Variants in PJA2 observed in about 807,000 individuals in gnomAD.
The protein encoded by PJA2 is praja ring finger ubiquitin ligase 2.
A neutral mutation model predicts 69.3 loss-of-function variants in PJA2; 25 were observed. That is an observed-to-expected ratio of 0.36 (90% confidence interval 0.26 to 0.50). The LOEUF (loss-of-function observed/expected upper bound fraction) is 0.50. Among genes scored for constraint, PJA2 ranks in the 20% least tolerant of loss-of-function variants. PJA2 has a pLI of 0.96. For missense variants in PJA2, 809 were observed against 830.2 expected, an observed-to-expected ratio of 0.97 and a Z score of 0.31; for synonymous variants, 308 against 277.8, an observed-to-expected ratio of 1.11 and a Z score of -1.08.
chr5:109,400,205 C>A (rs1007839685), intron 1 of PJA2, among the ~76,000 whole-genome samples: 1 of 151,308 alleles, frequency 6.6e-6, no homozygotes, highest in Non-Finnish European at 1.5e-5. Context: ...TACGGAGAAT[C>A]GCTTGAAGTC....
intron 1 of PJA2, among the ~76,000 whole-genome samples, chr5:109,401,205 A>G (rs1305836379): frequency 6.6e-6 from 1 of 151,868 alleles, no homozygotes; most frequent in Non-Finnish European, 1.5e-5. Context: ...AATCACTTGA[A>G]CCCGGGAGGT....
intron 1 of PJA2, among the ~76,000 whole-genome samples, chr5:109,406,107 G>A (rs1747686240): frequency 6.9e-6 from 1 of 144,558 alleles, no homozygotes; most frequent in African/African-American, 2.6e-5. Flanking sequence ...GCAGTGGCAC[G>A]ATCTTGGCTC....
intron 1 of PJA2, among the ~76,000 whole-genome samples, chr5:109,390,455 T>C (rs1373108498): frequency 6.6e-6 from 1 of 152,070 alleles, no homozygotes; most frequent in Non-Finnish European, 1.5e-5. Context: ...TCATTTTACC[T>C]GTGCCTTTAC....
chr5:109,359,255 G>A (rs1762472827), intron 6 of PJA2, among the ~76,000 whole-genome samples: 1 of 152,128 alleles, frequency 6.6e-6, no homozygotes, highest in Non-Finnish European at 1.5e-5. Context: ...TACAAAATAT[G>A]TGGCAATCAA....
intron 5 of PJA2, 58 bp from the exon 6 acceptor site, chr5:109,363,080 T>G: frequency 7.1e-7 from 1 of 1,407,522 alleles, no homozygotes; most frequent in Admixed American, 1.9e-5. Context: ...ACCATAACAC[T>G]GTCTTTAATT....
intron 1 of PJA2, among the ~76,000 whole-genome samples, chr5:109,396,702 G>A (rs1205482478): frequency 6.8e-6 from 1 of 146,748 alleles, no homozygotes; most frequent in African/African-American, 2.5e-5. Flanking sequence ...TAGGATTACG[G>A]GGATGAGCAC....
At chr5:109,383,731 G>C (rs1747100449) in intron 1 of PJA2, among the ~76,000 whole-genome samples, 1 of 152,066 alleles carries the variant, frequency 6.6e-6, no homozygotes, top group Non-Finnish European at 1.5e-5. Flanking sequence ...TCAGGAATTC[G>C]AGAACAACCT....
At chr5:109,364,641 A>AAAAAAAAAAAC (rs1389713549) in intron 5 of PJA2, among the ~76,000 whole-genome samples, 10 of 142,316 alleles carry the variant, frequency 7.0e-5, no homozygotes, top group Non-Finnish European at 1.6e-4. Context: ...AAAAAAAAAA[A>AAAAAAAAAAAC]TTTCAGTGTC....
At chr5:109,393,196 C>A (rs548791835) in intron 1 of PJA2, among the ~76,000 whole-genome samples, 75 of 152,118 alleles carry the variant, frequency 4.9e-4, no homozygotes, top group African/African-American at 1.8e-3. Context: ...GAGACGCACT[C>A]CAGAAAAGGT....
chr5:109,377,162 A>G (rs1320727230), intron 4 of PJA2, among the ~76,000 whole-genome samples: 1 of 152,180 alleles, frequency 6.6e-6, no homozygotes, highest in Admixed American at 6.5e-5. Context: ...CACAATCTGT[A>G]TTATAGTAGC....
chr5:109,361,724 T>C (rs1004203198), intron 6 of PJA2, among the ~76,000 whole-genome samples: 2 of 152,220 alleles, frequency 1.3e-5, no homozygotes, highest in Non-Finnish European at 2.9e-5. Flanking sequence ...TTTTAGAGTA[T>C]GAGAATGTTT....
At chr5:109,380,382 T>G (rs554464831) in intron 3 of PJA2, among the ~76,000 whole-genome samples, 1 of 152,156 alleles carries the variant, frequency 6.6e-6, no homozygotes, top group Non-Finnish European at 1.5e-5. Context: ...GGTACATGGA[T>G]AGCTGCAAAA....
intron 1 of PJA2, among the ~76,000 whole-genome samples, chr5:109,406,007 T>TTATC (rs1747681788): frequency 6.7e-6 from 1 of 150,322 alleles, no homozygotes; most frequent in African/African-American, 2.5e-5. Context: ...AAGAATGTAT[T>TTATC]AAAAAATGCT....
At chr5:109,376,628 A>G (rs1032430098) in intron 4 of PJA2, among the ~76,000 whole-genome samples, 1 of 152,120 alleles carries the variant, frequency 6.6e-6, no homozygotes, top group Admixed American at 6.5e-5. Context: ...AAAAAGTGTA[A>G]CTGGGGGAAA....
intron 1 of PJA2, among the ~76,000 whole-genome samples, chr5:109,400,189 C>A (rs1410868598): frequency 2.0e-5 from 3 of 151,378 alleles, no homozygotes; most frequent in African/African-American, 7.3e-5. Flanking sequence ...ACTCAGGAGG[C>A]TGAGGTACGG....
chr5:109,362,282 AG>A (rs1414334015), intron 6 of PJA2, among the ~76,000 whole-genome samples: 13 of 152,374 alleles, frequency 8.5e-5, no homozygotes, highest in African/African-American at 3.1e-4. Context: ...TATCGTAAGA[AG>A]TAACAATTCC....
chr5:109,378,157 C>T (rs1171309740), intron 4 of PJA2, 47 bp downstream of exon 4: 1 of 1,369,454 alleles, frequency 7.3e-7, no homozygotes, highest in South Asian at 1.4e-5. Flanking sequence ...AGAAAGAAAC[C>T]ACTTCATTTA....
intron 7 of PJA2, among the ~76,000 whole-genome samples, chr5:109,352,973 TTAGA>T (rs1481392284): frequency 2.8e-5 from 1 of 35,574 alleles, no homozygotes; most frequent in Non-Finnish European, 5.9e-5. Flanking sequence ...CATCTATATA[TTAGA>T]TACCTATATC....
chr5:109,354,441 C>T (rs1051082092), intron 7 of PJA2, among the ~76,000 whole-genome samples: 1 of 137,000 alleles, frequency 7.3e-6, no homozygotes, highest in African/African-American at 2.9e-5. Context: ...CTAGAGATGT[C>T]TATAGATTAG....
Sources: allele counts gnomAD v4.1 joint callset (sites outside exome capture counted in the v4.1 genomes callset), GRCh38; gene constraint gnomAD v4.1.1; transcripts MANE v1.5; gene names NCBI Gene and HGNC (gene_info 2026-07-23, HGNC 2026-07-21).